The following TTN variants were observed in gnomAD, a reference collection of about 807,000 sequenced individuals.
The protein encoded by TTN is connectin.
Under a neutral mutation model 3,223.0 loss-of-function variants are expected in TTN, and 1,525 were observed. That is an observed-to-expected ratio of 0.47 (90% CI 0.45 to 0.49). TTN has a LOEUF of 0.49. Ranked by LOEUF, TTN falls within the 20% of genes least tolerant of loss-of-function variation. The pLI, the probability that TTN is intolerant of heterozygous loss-of-function variation, is 0.00. For synonymous variants in TTN, 14,094 were observed against 15,161.0 expected, an observed-to-expected ratio of 0.93 and a Z score of 5.17; for missense variants, 40,786 against 43,424.0, an observed-to-expected ratio of 0.94 and a Z score of 5.40.
In TTN at chr2:178,549,161, G is replaced by A; in HGVS notation, c.92465C>T (p.Pro30822Leu). ...TACTTTGACCACTGTGGGAGGACCT[G>A]GTGGGTTGACGGGCTCTCTACATTT... is the stretch of plus-strand genomic sequence containing the variant. ...LIKCREPVNP[P>L]GPPTVVKVTD... The change falls in exon 339 of 363, where the codon CCA (proline) becomes CTA (leucine). Residue 30822 changes from proline (P) to leucine (L), a missense_variant. Physicochemically the swap from Pro to Leu is moderately conservative, Grantham distance 98. Transcript: ENST00000589042. 2.5e-6 allele frequency: 4 copies of A among 1,613,816 alleles called. No homozygotes were observed. Among genetic ancestry groups the A allele is most frequent in the Non-Finnish European group, 3.4e-6 (4 of 1,179,826 alleles).
Position 178,615,400 on chromosome 2 carries a change from T to A in TTN, c.48545A>T (p.Asp16182Val). Residue 16182 changes from aspartate (D) to valine (V), a missense_variant, in exon 259 of 363, where the codon GAT becomes GTT. Asp to Val is a radical substitution (Grantham distance 152, BLOSUM62 -3). Transcript: ENST00000589042. ...ATATCCTTTGATGCGTGAACCACCA[T>A]CATTTTTAGGTGGATCCCATGTTAA... ...IFLTWDPPKN[D>V]GGSRIKGYIV... 2 of 1,612,664 alleles carry A rather than the reference T, an allele frequency of 1.2e-6. No individual in the cohort carries two copies. The highest frequency in any genetic ancestry group is 1.1e-5 in the South Asian group (1 of 91,024).
At position 178,632,716 on chromosome 2, in the gene TTN, T is replaced by G. The variant is rs531051064; in HGVS notation, c.43290A>C (p.Glu14430Asp). The G allele has an allele frequency of 1.9e-5, 30 of 1,613,416 alleles. No homozygotes were observed. In the East Asian group the frequency reaches 5.6e-4, roughly 30 times the overall value. The change falls in exon 235 of 363, where the codon GAA becomes GAC. Residue 14430 changes from glutamate to aspartate, a missense_variant. Physicochemically the swap from Glu to Asp is conservative, Grantham distance 45. Transcript: ENST00000589042. The part of the protein sequence containing the change: ...FEKDEAKFEC[E>D]VSREPKTFRW... The stretch of plus-strand genomic sequence containing the variant: ...GGAATGTTTTGGGCTCCCTGGATAC[T>G]TCACACTCAAACTTAGCCTCATCTT...
chr2:178,581,647 G>C lies in TTN; in HGVS notation c.66621C>G (p.Asn22207Lys), dbSNP rs2047770950. The change falls in exon 316 of 363, where the codon AAC becomes AAG. Residue 22207 changes from asparagine to lysine, a missense_variant. Coordinates refer to ENST00000589042, the MANE Select transcript of TTN (RefSeq NM_001267550.2). ...GGGTTTTCTGTAGATTCTGTGGTAA[G>C]TTGCACCTCACCCAGTTATCGGAGT... ...RADSDNWVRC[N>K]LPQNLQKTRF... 6.2e-7 allele frequency: 1 copy of C among 1,612,708 alleles called. No individual in the cohort carries two copies. The highest frequency in any genetic ancestry group is 1.3e-5 in the African/African-American group (1 of 74,854).
At position 178,640,642 on chromosome 2, in the gene TTN, G is replaced by T. The variant is rs759320704; in HGVS notation, c.40634-12C>A. The stretch of plus-strand genomic sequence containing the variant: ...TGGTGGTTCTGGTACTTTAAGATAA[G>T]ATTATTTTTTCAGTGTTAATATTTG... On this transcript the variant is annotated splice_polypyrimidine_tract_variant and intron_variant, in intron 220 of 362. Coordinates refer to ENST00000589042, the MANE Select transcript of TTN (RefSeq NM_001267550.2). The T allele has an allele frequency of 1.9e-6, 3 of 1,556,654 alleles. No homozygotes were observed. The highest frequency in any genetic ancestry group is 2.6e-6 in the Non-Finnish European group (3 of 1,156,336).
chr2:178,622,059 G>A (rs2058375277), intron 243 of TTN, 51 bp from the exon 244 acceptor site: 2 of 1,508,466 alleles, frequency 1.3e-6, no homozygotes, highest in Non-Finnish European at 1.8e-6. Flanking sequence ...CCTTCACACA[G>A]GTGTCCTTAA....
Position 178,734,709 on chromosome 2 carries a change from T to C in TTN, c.15215A>G (p.Lys5072Arg). Residue 5072 changes from lysine (K) to arginine (R), a missense_variant and splice_region_variant, in exon 51 of 363, where the codon AAA becomes AGA. Transcript: ENST00000589042. ...GGATGGAAACTCAGTAAACAAACCT[T>C]TGATAACTATTTCAGTACTGCAGCT... The part of the protein sequence containing the change: ...SDSCSTEIVI[K>R]EPPSFIKTLE... 1 of 1,603,518 alleles carries C rather than the reference T, an allele frequency of 6.2e-7. No individual in the cohort carries two copies. The highest frequency in any genetic ancestry group is 1.1e-5 in the South Asian group (1 of 89,860).
intron 46 of TTN, 150 bp downstream of exon 46, chr2:178,756,072 C>T: frequency 4.8e-6 from 3 of 620,172 alleles, no homozygotes; most frequent in Non-Finnish European, 8.2e-6. Context: ...TGGCCAATGA[C>T]TTGGCTGACT....
rs778980065 is a variant in TTN, at chr2:178,777,878, T to TTGCAGGGGACATCCG, written c.4291_4305dup (p.Ala1435_Pro1439dup). The TTGCAGGGGACATCCG allele has an allele frequency of 6.2e-7, 1 of 1,614,048 alleles. No individual in the cohort carries two copies. On this transcript the variant is annotated inframe_insertion, in exon 25 of 363. Transcript: ENST00000589042. The stretch of plus-strand genomic sequence containing the variant: ...TCCAGCCTACGTCCAGGGGACATTC[T>TTGCAGGGGACATCCG]TGCAGGGGACATCCGTGCAGGAGAC...
rs1234634855 is a variant in TTN at position 178,721,154 on chromosome 2, T to C, written c.22865A>G (p.Gln7622Arg). The part of the protein sequence containing the change: ...KKLEASKVAK[Q>R]GESIQLECKI... Reference sequence around the variant, plus strand: ...ACATTCCAGTTGAATGGATTCTCCCTGCTTTGCAACTTTTGAAGCTTCTAA... The same window carrying C: ...ACATTCCAGTTGAATGGATTCTCCCCGCTTTGCAACTTTTGAAGCTTCTAA... Residue 7622 changes from glutamine (Q) to arginine (R), a missense_variant, in exon 79 of 363, where the codon CAG (glutamine) becomes CGG (arginine). Physicochemically the swap from Gln to Arg is conservative, Grantham distance 43. Coordinates refer to ENST00000589042, the MANE Select transcript of TTN (RefSeq NM_001267550.2). The C allele has an allele frequency of 1.2e-6, 2 of 1,608,764 alleles. No homozygotes were observed. Among genetic ancestry groups the C allele is most frequent in the Admixed American group, 1.7e-5 (1 of 59,816 alleles).
intron 7 of TTN, 72 bp from the exon 8 acceptor site, chr2:178,794,623 G>C: frequency 6.3e-7 from 1 of 1,598,848 alleles, no homozygotes. Context: ...AAGCATACTG[G>C]AAAACTGAGC....
chr2:178,745,407 T>C (rs1339850103), intron 47 of TTN: 8 of 1,434,924 alleles, frequency 5.6e-6, no homozygotes, highest in Non-Finnish European at 7.3e-6. Flanking sequence ...TAACAAAATA[T>C]TTACATGTAT....
At chr2:178,696,639 C>A (rs771411450) in intron 113 of TTN, among the ~76,000 whole-genome samples, 7 of 151,914 alleles carry the variant, frequency 4.6e-5, no homozygotes, top group Non-Finnish European at 1.0e-4. Flanking sequence ...TACAGTTAAC[C>A]TTTTTAAAAA....
intron 3 of TTN, among the ~76,000 whole-genome samples, chr2:178,801,128 A>G (rs959305918): frequency 6.6e-6 from 1 of 152,258 alleles, no homozygotes; most frequent in African/African-American, 2.4e-5. Flanking sequence ...AAGAATCATT[A>G]CATTTTTAAT....
chr2:178,535,161 T>C lies in TTN; in HGVS notation c.101454A>G (p.Lys33818=). ...SHSSTKELYE[K]YMIAEDLGRG... is the part of the protein sequence containing the mutation. The stretch of plus-strand genomic sequence containing the variant: ...GCCCAAGATCTTCAGCAATCATATA[T>C]TTCTCATAGAGTTCCTTGGTTGAAG... Residue 33818 remains lysine (K), a synonymous_variant, in exon 358 of 363, where the codon AAA becomes AAG. Transcript: ENST00000589042. 6.2e-7 allele frequency: 1 copy of C among 1,613,898 alleles called. No individual in the cohort carries two copies. Among genetic ancestry groups the C allele is most frequent in the East Asian group, 2.2e-5 (1 of 44,874 alleles).
chr2:178,751,145 G>A, intron 47 of TTN: 2 of 1,612,710 alleles, frequency 1.2e-6, no homozygotes. Flanking sequence ...ATCAGACATA[G>A]ATCTGATTTT....
At chr2:178,688,049 T>C in intron 127 of TTN, 62 bp downstream of exon 127, 6 of 1,393,168 alleles carry the variant, frequency 4.3e-6, no homozygotes, top group Non-Finnish European at 6.1e-6. Flanking sequence ...CTGTAGACAA[T>C]TTGTGAAAGA....
chr2:178,638,245 A>AT (rs1045885889), intron 223 of TTN, among the ~76,000 whole-genome samples: 1 of 151,712 alleles, frequency 6.6e-6, no homozygotes, highest in South Asian at 2.1e-4. Context: ...AATATAGTGT[A>AT]TTTTTTTATG....
In TTN at chr2:178,605,290, G is replaced by C; in HGVS notation, c.53887C>G (p.Pro17963Ala). 1 of 1,571,474 alleles carries C rather than the reference G, an allele frequency of 6.4e-7. No homozygotes were observed. The highest frequency in any genetic ancestry group is 1.4e-5 in the African/African-American group (1 of 73,252). ...ACACTCAGACGCAACTTAATAGTTG[G>C]AGGCACTGCAAAGAGAAGAGAAAGA... ...NVVIQDDEVP[P>A]TIKLRLSVRG... The change falls in exon 280 of 363, where the codon CCA (proline) becomes GCA (alanine). Residue 17963 changes from proline (P) to alanine (A), a missense_variant. Physicochemically the swap from Pro to Ala is conservative, Grantham distance 27. Coordinates refer to ENST00000589042, the MANE Select transcript of TTN (RefSeq NM_001267550.2).
At chr2:178,538,312 A>G (rs1692632449) in intron 354 of TTN, 1 of 497,482 alleles carries the variant, frequency 2.0e-6, no homozygotes, top group Admixed American at 3.7e-5. Flanking sequence ...CATTAGAGGG[A>G]ATTACTCAAG....
Sources: gnomAD v4.1 joint callset for allele counts (sites outside exome capture counted in the v4.1 genomes callset) on GRCh38, gnomAD v4.1.1 for gene constraint, MANE v1.5 for transcripts, NCBI Gene and HGNC (gene_info 2026-07-23, HGNC 2026-07-21) for gene names.